The following SGIP1 variants were observed in gnomAD, a reference collection of about 807,000 sequenced individuals.
SGIP1 encodes SH3-containing GRB2-like protein 3-interacting protein 1.
Under a neutral mutation model 107.5 loss-of-function variants are expected in SGIP1, and 38 were observed. The ratio of observed to expected loss-of-function variants is 0.35; its 90% CI spans 0.27 to 0.46. SGIP1 has a LOEUF of 0.46. Among genes scored for constraint, SGIP1 ranks in the 20% least tolerant of loss-of-function variants. The pLI is 1.00. For synonymous variants in SGIP1, 365 were observed against 366.1 expected (o/e 1.00, Z 0.03); for missense variants, 929 against 1,019.5 (o/e 0.91, Z 1.21).
intron 7 of SGIP1, among the ~76,000 whole-genome samples, chr1:66,654,344 G>A (rs1557468714): frequency 6.6e-6 from 1 of 152,056 alleles, no homozygotes; most frequent in East Asian, 1.9e-4. Flanking sequence ...TTGTTAATGT[G>A]TTCTTTTCTG....
In SGIP1 at chr1:66,561,336, A is replaced by G. The variant is rs562826850; in HGVS notation, c.10+26968A>G. ...ACTTTATGCTACTTTTGATATGGGC[A>G]TACATAGACTAAGGTGTTAAATGAC... On this transcript the variant is annotated intron_variant, in intron 1 of 24. Transcript: ENST00000371037. 2.0e-5 allele frequency among the ~76,000 whole-genome samples: 3 copies of G among 152,146 alleles called. No homozygotes were observed. The South Asian group carries it at 6.2e-4, about 32-fold the overall frequency.
intron 1 of SGIP1, among the ~76,000 whole-genome samples, chr1:66,582,753 G>T (rs897675905): frequency 4.6e-5 from 7 of 151,714 alleles, no homozygotes; most frequent in African/African-American, 1.7e-4. Context: ...AGACAAATAT[G>T]CCTATAAGTA....
intron 17 of SGIP1, chr1:66,694,497 G>A (rs764960430): frequency 1.1e-5 from 18 of 1,602,478 alleles, no homozygotes; most frequent in African/African-American, 6.7e-5. Flanking sequence ...GCTGTGAAAC[G>A]CCTGCAGGTA....
At chr1:66,720,371 G>T (rs1381290813) in intron 19 of SGIP1, among the ~76,000 whole-genome samples, 5 of 152,176 alleles carry the variant, frequency 3.3e-5, no homozygotes, top group Non-Finnish European at 4.4e-5. Flanking sequence ...AGTGAGGAAA[G>T]AATTGCTTTT....
At chr1:66,713,842 C>T (rs1169242815) in intron 18 of SGIP1, among the ~76,000 whole-genome samples, 1 of 151,962 alleles carries the variant, frequency 6.6e-6, no homozygotes, top group African/African-American at 2.4e-5. Context: ...ATTATCAAGC[C>T]ACCAAAATCA....
In SGIP1 at chr1:66,643,648, C is replaced by A; in HGVS notation, c.388C>A (p.Leu130Ile). Residue 130 changes from leucine (L) to isoleucine (I), a missense_variant, in exon 7 of 25, where the codon CTT becomes ATT. Physicochemically the swap from Leu to Ile is conservative, Grantham distance 5. Around this residue, in one of 2 missense-constraint regions of SGIP1, gnomAD observed 588 missense variants for 588.6 expected, o/e 1.00. Coordinates refer to ENST00000371037, the MANE Select transcript of SGIP1 (RefSeq NM_032291.4). ...TAAACCATTGCAATCTAAAGACATTCTTAAGAATGCTGCAACTGTAGATGA... is the reference window on the plus strand; with the variant it reads ...TAAACCATTGCAATCTAAAGACATTATTAAGAATGCTGCAACTGTAGATGA... The part of the protein sequence containing the change: ...KIKPLQSKDI[L>I]KNAATVDELK... The A allele has an allele frequency of 6.2e-7, 1 of 1,611,808 alleles. No individual in the cohort carries two copies. Among genetic ancestry groups the A allele is most frequent in the South Asian group, 1.1e-5 (1 of 90,346 alleles).
In SGIP1 at chr1:66,743,138, A is replaced by C; in HGVS notation, c.*43A>C. ...ATTTGGAGGATTCATATAATGGAGAACTGATGTATGAGAAACAGATTTTAA... is the reference window on the plus strand; with the variant it reads ...ATTTGGAGGATTCATATAATGGAGACCTGATGTATGAGAAACAGATTTTAA... On this transcript the variant is annotated 3_prime_UTR_variant, in exon 25 of 25. Transcript: ENST00000371037. The C allele has an allele frequency of 6.2e-7, 1 of 1,603,822 alleles. No homozygotes were observed. Among genetic ancestry groups the C allele is most frequent in the Non-Finnish European group, 8.5e-7 (1 of 1,172,120 alleles).
intron 15 of SGIP1, among the ~76,000 whole-genome samples, chr1:66,687,779 A>G (rs1007009690): frequency 1.3e-5 from 2 of 152,218 alleles, no homozygotes; most frequent in African/African-American, 4.8e-5. Flanking sequence ...CCCAGTGGAG[A>G]ATAAAAAGTA....
chr1:66,575,550 A>G (rs1174913569), intron 1 of SGIP1, among the ~76,000 whole-genome samples: 2 of 152,130 alleles, frequency 1.3e-5, no homozygotes, highest in East Asian at 3.9e-4. Context: ...ACCTATGTGT[A>G]TTGACATTCT....
chr1:66,544,827 T>G (rs12144047), intron 1 of SGIP1, among the ~76,000 whole-genome samples: 41,644 of 152,052 alleles, frequency 0.27, 6,646 homozygotes, highest in African/African-American at 0.45. Context: ...AACAATGGCC[T>G]GAAATGGTCT....
intron 1 of SGIP1, among the ~76,000 whole-genome samples, chr1:66,550,644 T>G (rs1396512211): frequency 1.3e-5 from 2 of 152,218 alleles, no homozygotes; most frequent in African/African-American, 4.8e-5. Flanking sequence ...CTATCATTTC[T>G]TGAGCTCCTG....
At chr1:66,580,087 C>G (rs1260035269) in intron 1 of SGIP1, among the ~76,000 whole-genome samples, 1 of 152,098 alleles carries the variant, frequency 6.6e-6, no homozygotes, top group Non-Finnish European at 1.5e-5. Context: ...ATTTTAGCCC[C>G]ATTTCTATGA....
rs922547926 is a variant in SGIP1, at chr1:66,750,791, G to A, written c.*7696G>A. Among the ~76,000 whole-genome samples the A allele has an allele frequency of 2.6e-5, 4 of 152,204 alleles. No homozygotes were observed. The highest frequency in any genetic ancestry group is 4.8e-5 in the African/African-American group (2 of 41,462). On this transcript the variant is annotated 3_prime_UTR_variant, in exon 25 of 25. Coordinates refer to ENST00000371037, the MANE Select transcript of SGIP1 (RefSeq NM_032291.4). ...GCGAAGACTTACTTGCTCCTTCACA[G>A]AATTGCAGCAAAGCTCTCTGCTGGG...
At chr1:66,556,288 C>T (rs574024911) in intron 1 of SGIP1, among the ~76,000 whole-genome samples, 1 of 152,100 alleles carries the variant, frequency 6.6e-6, no homozygotes, top group South Asian at 2.1e-4. Flanking sequence ...AGCTGGAGCT[C>T]TCCTTTTTTC....
At chr1:66,709,897 G>C (rs1396167293) in intron 18 of SGIP1, among the ~76,000 whole-genome samples, 2 of 151,952 alleles carry the variant, frequency 1.3e-5, no homozygotes, top group Non-Finnish European at 2.9e-5. Flanking sequence ...TTAGGTGATA[G>C]TATAAGACTA....
upstream of SGIP1, chr1:66,533,477 C>G (rs1442690146): frequency 1.3e-5 from 2 of 152,228 alleles, no homozygotes; most frequent in African/African-American, 2.4e-5. Context: ...CAATTAATTC[C>G]CTGGCTCTCA....
intron 15 of SGIP1, among the ~76,000 whole-genome samples, chr1:66,688,139 A>T (rs1488915225): frequency 6.6e-6 from 1 of 152,072 alleles, no homozygotes; most frequent in Non-Finnish European, 1.5e-5. Flanking sequence ...TGAAGTGTGG[A>T]TATTTTCCCA....
intron 1 of SGIP1, among the ~76,000 whole-genome samples, chr1:66,568,974 T>A (rs781522923): frequency 2.0e-4 from 31 of 151,826 alleles, no homozygotes; most frequent in Non-Finnish European, 3.1e-4. Context: ...TAAATGATGA[T>A]GCTCATGAAA....
chr1:66,670,993 A>G lies in SGIP1; in HGVS notation c.484-2A>G. On this transcript the variant is annotated splice_acceptor_variant, in intron 9 of 24. Coordinates refer to ENST00000371037, the MANE Select transcript of SGIP1 (RefSeq NM_032291.4). LOFTEE classifies it high-confidence loss of function. Reference sequence around the variant, plus strand: ...CCTTATAGTGTCTATTTCTAATTCTAGGGTGCAATTAAAAGGAACTTATCC... The same window carrying G: ...CCTTATAGTGTCTATTTCTAATTCTGGGGTGCAATTAAAAGGAACTTATCC... 2 of 1,369,604 alleles carry G rather than the reference A, an allele frequency of 1.5e-6. No individual in the cohort carries two copies. Among genetic ancestry groups the G allele is most frequent in the Non-Finnish European group, 2.0e-6 (2 of 986,798 alleles). The allele number at this position is 1,369,604 out of a possible 1,614,324, so 84.8% of individuals were successfully genotyped here. A position where few individuals can be genotyped will look rare whatever the true frequency, so the allele number is the denominator to read the frequency against.
Sources: gnomAD v4.1 joint callset for allele counts (sites outside exome capture counted in the v4.1 genomes callset) on GRCh38, gnomAD v4.1.1 for gene constraint, gnomAD v4.1.1 regional missense constraint, MANE v1.5 for transcripts, NCBI Gene and HGNC (gene_info 2026-07-23, HGNC 2026-07-21) for gene names.